Variants in ITGA11 observed in about 807,000 individuals in gnomAD.
ITGA11 encodes the protein integrin alpha-11.
ITGA11 carries 97 observed loss-of-function variants against 141.9 expected under a neutral mutation model. The observed-to-expected ratio is 0.68, with a 90% CI of 0.58 to 0.81. The LOEUF is 0.81. ITGA11 is among the 30% of genes least tolerant of loss of function. ITGA11 has a pLI of 0.00. For synonymous variants in ITGA11, 658 were observed against 624.6 expected (o/e 1.05, Z -0.80); for missense variants, 1,387 against 1,559.2 (o/e 0.89, Z 1.86).
At chr15:68,384,413 C>T (rs1895934524) in intron 2 of ITGA11, among the ~76,000 whole-genome samples, 1 of 152,150 alleles carries the variant, frequency 6.6e-6, no homozygotes, top group African/African-American at 2.4e-5. Context: ...TCTGGGGCTG[C>T]TGTGCTCTCC....
chr15:68,303,469 G>A lies in ITGA11; in HGVS notation c.3495+303C>T, dbSNP rs891788991. ...CAGAGACAGAGATGGACTTCGGGAG[G>A]TTTGTTAACAGCTTGACATTGTGGG... On this transcript the variant is annotated intron_variant, in intron 29 of 29. Transcript: ENST00000315757. This position sits in a 1 kb window ranked among gnomAD's most constrained non-coding sequence, Gnocchi z 5.3. Among the ~76,000 whole-genome samples, 1 of 152,042 alleles carries A rather than the reference G, an allele frequency of 6.6e-6. No homozygotes were observed. The highest frequency in any genetic ancestry group is 2.4e-5 in the African/African-American group (1 of 41,398).
intron 7 of ITGA11, among the ~76,000 whole-genome samples, chr15:68,354,314 T>A (rs1285190885): frequency 6.6e-6 from 1 of 152,174 alleles, no homozygotes; most frequent in Non-Finnish European, 1.5e-5. Flanking sequence ...AAGTGTTATG[T>A]GGACAAAGGT....
Position 68,326,639 on chromosome 15 carries a change from G to C in ITGA11, c.2211+15C>G. The C allele has an allele frequency of 6.3e-7, 1 of 1,580,052 alleles. No homozygotes were observed. The highest frequency in any genetic ancestry group is 8.6e-7 in the Non-Finnish European group (1 of 1,162,846). On this transcript the variant is annotated intron_variant, in intron 17 of 29. Coordinates refer to ENST00000315757, the MANE Select transcript of ITGA11 (RefSeq NM_001004439.2). The surrounding 1 kb of genome is among the most constrained non-coding windows in gnomAD (Gnocchi z 6.8). ...TATAGGAGCTTGGGCTCTGCTGGTG[G>C]GGCTGCCAGCTTACCAGGACATGGA...
At chr15:68,406,410 G>A (rs552987478) in intron 1 of ITGA11, among the ~76,000 whole-genome samples, 3 of 152,048 alleles carry the variant, frequency 2.0e-5, no homozygotes, top group East Asian at 1.9e-4. Context: ...CTTCAGACTC[G>A]TTCTCTGCTC....
At chr15:68,399,535 T>C (rs1896413091) in intron 2 of ITGA11, among the ~76,000 whole-genome samples, 2 of 152,018 alleles carry the variant, frequency 1.3e-5, no homozygotes, top group African/African-American at 4.8e-5. Context: ...CTATTCACAA[T>C]AGCAAAGACA....
chr15:68,347,778 C>T (rs542886359), intron 10 of ITGA11, among the ~76,000 whole-genome samples: 1 of 152,318 alleles, frequency 6.6e-6, no homozygotes, highest in East Asian at 1.9e-4. Context: ...AACAAGGAGT[C>T]CTGCCCTATC....
At chr15:68,361,255 T>G (rs1200438518) in intron 5 of ITGA11, among the ~76,000 whole-genome samples, 3 of 152,202 alleles carry the variant, frequency 2.0e-5, no homozygotes, top group Admixed American at 1.3e-4. Flanking sequence ...CCCCCAGAAT[T>G]GTGCAGTGCA....
At chr15:68,349,828 C>CA (rs1220510612) in intron 9 of ITGA11, among the ~76,000 whole-genome samples, 1 of 152,186 alleles carries the variant, frequency 6.6e-6, no homozygotes, top group Non-Finnish European at 1.5e-5. Flanking sequence ...GGAGTGGAAG[C>CA]AGTTGGCATA....
rs527758438 is a variant in ITGA11, at chr15:68,395,485, T to C, written c.164+7433A>G. ...TAAACAGTGTAGAGAAGACTTTAAA[T>C]GACCTGATGGAGCTGAAAACCATGG... On this transcript the variant is annotated intron_variant, in intron 2 of 29. Transcript: ENST00000315757. 7.3e-5 allele frequency among the ~76,000 whole-genome samples: 11 copies of C among 151,380 alleles called. No individual in the cohort carries two copies. The South Asian group carries it at 1.9e-3, about 26-fold the overall frequency.
At position 68,326,944 on chromosome 15, in the gene ITGA11, A is replaced by G. The variant is rs1343384772; in HGVS notation, c.2069-148T>C. ...CCCAGTGTGGGTGAGAAACTCCCAC[A>G]TGGAGAGCAAGTGATTGCATGAGGA... On this transcript the variant is annotated intron_variant, in intron 16 of 29. Coordinates refer to ENST00000315757, the MANE Select transcript of ITGA11 (RefSeq NM_001004439.2). This position sits in a 1 kb window ranked among gnomAD's most constrained non-coding sequence, Gnocchi z 6.8. 6 of 803,096 alleles carry G rather than the reference A, an allele frequency of 7.5e-6. No individual in the cohort carries two copies. In the South Asian group the frequency reaches 7.8e-5, roughly 10 times the overall value. 49.7% of individuals were successfully genotyped at this position (803,096 alleles called of 1,614,324 possible).
chr15:68,315,848 C>A, intron 21 of ITGA11, 121 bp from the exon 22 acceptor site: 2 of 763,422 alleles, frequency 2.6e-6, no homozygotes, highest in Non-Finnish European at 4.2e-6. Flanking sequence ...GGTTGGGGAG[C>A]TGCTGGCTGG....
rs7174384 is a variant in ITGA11 at position 68,313,760 on chromosome 15, C to A, written c.2882+19G>T. The A allele has an allele frequency of 0.047, 75,846 of 1,602,440 alleles. 2,025 individuals carry two copies. The highest frequency in any genetic ancestry group is 0.055 in the Non-Finnish European group (64,637 of 1,171,000). The stretch of plus-strand genomic sequence containing the variant: ...TCCCCATGCCTTCCCTCTCCTGGGG[C>A]CCCCGGAGCCCGGCCCACCTGGTGA... On this transcript the variant is annotated intron_variant, in intron 23 of 29. Coordinates refer to ENST00000315757, the MANE Select transcript of ITGA11 (RefSeq NM_001004439.2).
intron 26 of ITGA11, among the ~76,000 whole-genome samples, chr15:68,310,363 G>A (rs1322556190): frequency 2.6e-5 from 4 of 152,158 alleles, no homozygotes; most frequent in Non-Finnish European, 5.9e-5. Context: ...ACTACCCTCA[G>A]TAAGTGCTTT....
In ITGA11 at chr15:68,307,571, AG is replaced by A; in HGVS notation, c.3285+14del. The stretch of plus-strand genomic sequence containing the variant: ...TCCCTTCTTCCTTCCAGCCCAGCCC[AG>A]GGGCTCTACTTACTGCTTTTAGGGA... On this transcript the variant is annotated intron_variant, in intron 27 of 29. Coordinates refer to ENST00000315757, the MANE Select transcript of ITGA11 (RefSeq NM_001004439.2). The surrounding 1 kb of genome is among the most constrained non-coding windows in gnomAD (Gnocchi z 6.1). 1.3e-6 allele frequency: 2 copies of A among 1,591,104 alleles called. No individual in the cohort carries two copies. The highest frequency in any genetic ancestry group is 1.7e-6 in the Non-Finnish European group (2 of 1,161,136).
chr15:68,332,294 G>A (rs113337981), intron 13 of ITGA11, 44 bp downstream of exon 13: 4 of 1,571,054 alleles, frequency 2.5e-6, no homozygotes, highest in African/African-American at 2.7e-5. Context: ...CAAAGCAGAG[G>A]TTGGGGGCAC....
chr15:68,340,338 G>A (rs1054881854), intron 10 of ITGA11, among the ~76,000 whole-genome samples: 1 of 152,202 alleles, frequency 6.6e-6, no homozygotes, highest in Non-Finnish European at 1.5e-5. Flanking sequence ...AGGATGTCAT[G>A]TTTACCCGTG....
intron 20 of ITGA11, 108 bp from the exon 21 acceptor site, chr15:68,317,471 G>T (rs1424826818): frequency 5.1e-6 from 4 of 784,086 alleles, no homozygotes; most frequent in Non-Finnish European, 9.1e-6. Context: ...GGCCGCCTCA[G>T]CCCCTGATAC....
Position 68,397,048 on chromosome 15 carries a change from T to C in ITGA11, c.164+5870A>G, listed in dbSNP as rs184111995. ...AATATATAAATTATTTATTATATAATATATAATATATAAATTATTTATTAT... is the reference window on the plus strand; with the variant it reads ...AATATATAAATTATTTATTATATAACATATAATATATAAATTATTTATTAT... On this transcript the variant is annotated intron_variant, in intron 2 of 29. Coordinates refer to ENST00000315757, the MANE Select transcript of ITGA11 (RefSeq NM_001004439.2). Among the ~76,000 whole-genome samples, 3 of 23,370 alleles carry C rather than the reference T, an allele frequency of 1.3e-4. 1 individual carries two copies. The highest frequency in any genetic ancestry group is 1.3e-4 in the Non-Finnish European group (2 of 15,064). 15.3% of individuals were successfully genotyped at this position (23,370 alleles called of 152,430 possible). A position where few individuals can be genotyped will look rare whatever the true frequency, so the allele number is the denominator to read the frequency against.
chr15:68,318,753 T>A (rs1893687565), intron 20 of ITGA11, among the ~76,000 whole-genome samples: 1 of 152,060 alleles, frequency 6.6e-6, no homozygotes, highest in African/African-American at 2.4e-5. Context: ...GGAGGGGTGC[T>A]GGGCAGTGGT....
Sources: allele counts gnomAD v4.1 joint callset (sites outside exome capture counted in the v4.1 genomes callset), GRCh38; gene constraint gnomAD v4.1.1; non-coding constraint Gnocchi (gnomAD v3.1); transcripts MANE v1.5; gene names NCBI Gene and HGNC (gene_info 2026-07-23, HGNC 2026-07-21).